The following ZNF469 variants were observed in gnomAD, a reference collection of about 807,000 sequenced individuals.
The protein encoded by ZNF469 is zinc finger protein 469.
In ZNF469, 1 loss-of-function variant was observed where a neutral mutation model predicts 1.0. The observed-to-expected ratio is 1.00, with a 90% CI of 0.35 to 4.73. The LOEUF is 4.73. Ranked by LOEUF, ZNF469 falls within the 30% of genes most tolerant of loss-of-function variation. The pLI is 0.16. For missense variants in ZNF469, 6,100 were observed against 5,356.3 expected (o/e 1.14, Z -4.33); for synonymous variants, 2,703 against 2,363.4 (o/e 1.14, Z -4.17).
At chr16:88,264,758 C>T in the ZNF469 span, among the ~76,000 whole-genome samples, 1 of 152,086 alleles carries the variant, frequency 6.6e-6, no homozygotes, top group Non-Finnish European at 1.5e-5. Flanking sequence ...TCCTGCTCGT[C>T]CCACACCTGC....
chr16:88,432,477 A>G lies in ZNF469; in HGVS notation c.5007A>G (p.Ala1669=). ...PCPASFHPGH[A]ALLPCAQEDL... is the part of the protein sequence containing the mutation. ...CAGCCTCCTTCCATCCGGGACATGC[A>G]GCCCTTCTCCCCTGTGCCCAGGAAG... The change falls in exon 3 of 3, where the codon GCA becomes GCG. Residue 1669 remains alanine, a synonymous_variant. Transcript: ENST00000565624. 1 of 1,550,354 alleles carries G rather than the reference A, an allele frequency of 6.5e-7. No homozygotes were observed. The highest frequency in any genetic ancestry group is 1.2e-5 in the South Asian group (1 of 84,066).
chr16:88,168,156 C>T, the ZNF469 span, among the ~76,000 whole-genome samples: 1 of 152,208 alleles, frequency 6.6e-6, no homozygotes, highest in Non-Finnish European at 1.5e-5. This position sits in a 1 kb window ranked among gnomAD's most constrained non-coding sequence, Gnocchi z 4.3. Flanking sequence ...TTTTATAAGC[C>T]TCTTACCATC....
Position 88,437,265 on chromosome 16 carries a change from C to G in ZNF469, c.9795C>G (p.Asp3265Glu). ...GGCAAGAGGGAGAAGCCAAGAAAGA[C>G]AGCCCGGGCGAGAGGGCGAAACCCC... is the stretch of plus-strand genomic sequence containing the variant. Reference protein sequence around the residue: ...PWGQEGEAKKDSPGERAKPRA... With the variant: ...PWGQEGEAKKESPGERAKPRA... The change falls in exon 3 of 3, where the codon GAC becomes GAG. Residue 3265 changes from aspartate (D) to glutamate (E), a missense_variant. Coordinates refer to ENST00000565624, the MANE Select transcript of ZNF469 (RefSeq NM_001367624.2). 6.5e-7 allele frequency: 1 copy of G among 1,548,716 alleles called. No individual in the cohort carries two copies. The highest frequency in any genetic ancestry group is 8.7e-7 in the Non-Finnish European group (1 of 1,146,056).
At chr16:88,250,586 C>T in the ZNF469 span, among the ~76,000 whole-genome samples, 1 of 152,184 alleles carries the variant, frequency 6.6e-6, no homozygotes. Flanking sequence ...CCCTCTCATG[C>T]CTCTGGAATT....
At chr16:88,157,108 T>A in the ZNF469 span, among the ~76,000 whole-genome samples, 2 of 152,102 alleles carry the variant, frequency 1.3e-5, no homozygotes, top group African/African-American at 4.8e-5. Context: ...GGCTCCTGTG[T>A]CCCGGAGGCT....
upstream of ZNF469, among the ~76,000 whole-genome samples, chr16:88,380,003 C>T (rs1033642281): frequency 2.0e-5 from 3 of 152,086 alleles, no homozygotes; most frequent in Admixed American, 6.5e-5. Context: ...ATTCAGGTGC[C>T]CCAGGGCTAG....
rs1272601096 is a variant in ZNF469, at chr16:88,428,842, G to C, written c.1372G>C (p.Ala458Pro). 8 of 1,548,204 alleles carry C rather than the reference G, an allele frequency of 5.2e-6. No individual in the cohort carries two copies. In the Admixed American group the frequency reaches 1.4e-4, roughly 27 times the overall value. The change falls in exon 3 of 3, where the codon GCC becomes CCC. Residue 458 changes from alanine to proline, a missense_variant. Ala to Pro is a conservative substitution (Grantham distance 27, BLOSUM62 -1). Coordinates refer to ENST00000565624, the MANE Select transcript of ZNF469 (RefSeq NM_001367624.2). The stretch of plus-strand genomic sequence containing the variant: ...CACACCTCCTGGGGGCCCCCTGGCT[G>C]CCACCAGGAGTATGTTCTTTAACGG... ...YPTPPGGPLA[A>P]TRSMFFNGQP...
At chr16:88,114,215 G>A in the ZNF469 span, among the ~76,000 whole-genome samples, 131 of 138,838 alleles carry the variant, frequency 9.4e-4, 11 homozygotes, top group East Asian at 2.9e-3. Flanking sequence ...CACTGCGGGG[G>A]TCTCCGGGGA....
the ZNF469 span, among the ~76,000 whole-genome samples, chr16:88,264,492 C>T: frequency 6.6e-6 from 1 of 151,602 alleles, no homozygotes; most frequent in African/African-American, 2.4e-5. Flanking sequence ...GCCTCCCCAC[C>T]TGTGCATGTT....
At chr16:88,316,655 T>G in the ZNF469 span, among the ~76,000 whole-genome samples, 1 of 148,432 alleles carries the variant, frequency 6.7e-6, no homozygotes, top group African/African-American at 2.5e-5. Context: ...CAAGCGATTC[T>G]CCTGCCTCAG....
the ZNF469 span, among the ~76,000 whole-genome samples, chr16:88,276,140 T>C: frequency 1.1e-4 from 16 of 152,192 alleles, no homozygotes; most frequent in Middle Eastern, 3.4e-3. Flanking sequence ...TTAGATGCCA[T>C]CCTGGGGGTG....
the ZNF469 span, among the ~76,000 whole-genome samples, chr16:88,358,887 C>G: frequency 6.6e-6 from 1 of 151,972 alleles, no homozygotes; most frequent in Non-Finnish European, 1.5e-5. Context: ...CCAGGCTAGC[C>G]TCACCTTTTC....
At chr16:88,174,079 G>A in the ZNF469 span, among the ~76,000 whole-genome samples, 1 of 151,806 alleles carries the variant, frequency 6.6e-6, no homozygotes, top group African/African-American at 2.4e-5. Flanking sequence ...AAGGAAGACC[G>A]AAGTATATGT....
chr16:88,318,397 G>A, the ZNF469 span, among the ~76,000 whole-genome samples: 1 of 151,608 alleles, frequency 6.6e-6, no homozygotes, highest in East Asian at 1.9e-4. Flanking sequence ...CATTCGGTAA[G>A]CGGGGAAGAG....
the ZNF469 span, among the ~76,000 whole-genome samples, chr16:88,208,803 A>ACACACACACACACACACT: frequency 8.1e-5 from 10 of 123,564 alleles, no homozygotes; most frequent in African/African-American, 3.1e-4. Context: ...ACACACACAC[A>ACACACACACACACACACT]CTCTCTCTCT....
the ZNF469 span, among the ~76,000 whole-genome samples, chr16:88,125,780 T>C: frequency 2.6e-5 from 4 of 152,272 alleles, no homozygotes; most frequent in Non-Finnish European, 5.9e-5. Context: ...TTGCAAATGG[T>C]ATTTTTTAAA....
Position 88,397,997 on chromosome 16 carries a change from A to G in ZNF469, c.-192+14743A>G, listed in dbSNP as rs577438436. ...CAGAGCCGGGCACAGGAGATGGTGC[A>G]GGTCCTCTTCAGCCCGGCAGGGCCA... On this transcript the variant is annotated intron_variant, in intron 1 of 2. Transcript: ENST00000565624. Among the ~76,000 whole-genome samples the G allele has an allele frequency of 1.3e-4, 20 of 152,352 alleles. No individual in the cohort carries two copies. The South Asian group carries it at 3.9e-3, about 30-fold the overall frequency.
chr16:88,107,453 G>C, the ZNF469 span, among the ~76,000 whole-genome samples: 1 of 152,226 alleles, frequency 6.6e-6, no homozygotes, highest in Non-Finnish European at 1.5e-5. Context: ...CATGAGAACA[G>C]CATGGAGGAA....
At position 88,438,902 on chromosome 16, in the gene ZNF469, G is replaced by A; in HGVS notation, c.11432G>A (p.Gly3811Glu). The A allele has an allele frequency of 1.9e-6, 3 of 1,550,580 alleles. No homozygotes were observed. The highest frequency in any genetic ancestry group is 2.6e-6 in the Non-Finnish European group (3 of 1,146,986). ...GGGAGCCTAGGTCCCAAGGAGAAGG[G>A]AGAGAGCAGTACGAAGAGGAAAAAG... ...PHGSLGPKEK[G>E]ESSTKRKKGQ... Residue 3811 changes from glycine (G) to glutamate (E), a missense_variant, in exon 3 of 3, where the codon GGA (glycine) becomes GAA (glutamate). By Grantham distance (98) the Gly-to-Glu change is moderately conservative (BLOSUM62 -2). Coordinates refer to ENST00000565624, the MANE Select transcript of ZNF469 (RefSeq NM_001367624.2).
Sources: allele counts gnomAD v4.1 joint callset (sites outside exome capture counted in the v4.1 genomes callset), GRCh38; gene constraint gnomAD v4.1.1; non-coding constraint Gnocchi (gnomAD v3.1); transcripts MANE v1.5; gene names NCBI Gene and HGNC (gene_info 2026-07-23, HGNC 2026-07-21).